Variants in HYCC1 observed in about 807,000 individuals in gnomAD.
The protein encoded by HYCC1 is hyccin.
the HYCC1 span, among the ~76,000 whole-genome samples, chr7:22,949,930 T>A: frequency 6.6e-6 from 1 of 152,238 alleles, no homozygotes; most frequent in South Asian, 2.1e-4. Flanking sequence ...AACTGCTTAT[T>A]AAATTTATAA....
At chr7:23,004,967 G>A in the HYCC1 span, among the ~76,000 whole-genome samples, 6 of 152,090 alleles carry the variant, frequency 3.9e-5, no homozygotes, top group South Asian at 2.1e-4. Flanking sequence ...CACCATGCCC[G>A]GCTAATTTTT....
the HYCC1 span, chr7:23,014,058 G>C: frequency 4.2e-6 from 2 of 470,748 alleles, no homozygotes; most frequent in Admixed American, 4.7e-5. Context: ...ACGGGTCCCG[G>C]TGAGCCATCT....
the HYCC1 span, chr7:22,939,662 C>G: frequency 6.6e-6 from 1 of 152,064 alleles, no homozygotes; most frequent in Non-Finnish European, 1.5e-5. Context: ...AAATACATCT[C>G]TATTAGGTAG....
At chr7:23,012,872 CA>C in the HYCC1 span, among the ~76,000 whole-genome samples, 1 of 152,130 alleles carries the variant, frequency 6.6e-6, no homozygotes, top group South Asian at 2.1e-4. Flanking sequence ...CCACCTGCTC[CA>C]AAAACTACTG....
chr7:22,944,083 A>T, the HYCC1 span: 104,875 of 152,052 alleles, frequency 0.69, 36,172 homozygotes, highest in South Asian at 0.73. Context: ...CATAAGCAGG[A>T]ACAAGAGGAA....
At chr7:23,013,983 G>A in the HYCC1 span, 1 of 471,072 alleles carries the variant, frequency 2.1e-6, no homozygotes, top group Non-Finnish European at 4.4e-6. Context: ...CTCAGCGACA[G>A]CGACGGAGGC....
the HYCC1 span, among the ~76,000 whole-genome samples, chr7:22,914,220 GC>G: frequency 6.6e-6 from 1 of 152,170 alleles, no homozygotes; most frequent in Admixed American, 6.5e-5. Context: ...GGGGACGCCT[GC>G]CCTGGTCATT....
chr7:22,901,849 C>G, the HYCC1 span, among the ~76,000 whole-genome samples: 1 of 152,010 alleles, frequency 6.6e-6, no homozygotes, highest in African/African-American at 2.4e-5. Context: ...TTTTAATATA[C>G]TTCTTTTATC....
At chr7:22,985,887 T>G in the HYCC1 span, among the ~76,000 whole-genome samples, 5 of 149,800 alleles carry the variant, frequency 3.3e-5, no homozygotes, top group Non-Finnish European at 7.4e-5. Flanking sequence ...CATATGTAAC[T>G]ATGTATACAT....
the HYCC1 span, chr7:22,983,789 T>C: frequency 1.7e-6 from 1 of 599,456 alleles, no homozygotes. Flanking sequence ...TAATAAATTA[T>C]ATTTCTTGGC....
the HYCC1 span, among the ~76,000 whole-genome samples, chr7:22,971,464 C>G: frequency 6.6e-6 from 1 of 151,104 alleles, no homozygotes; most frequent in Non-Finnish European, 1.5e-5. Flanking sequence ...TGCCTGAGCT[C>G]AGGAGTTTGA....
the HYCC1 span, chr7:22,946,803 C>T: frequency 8.3e-5 from 50 of 603,510 alleles, no homozygotes; most frequent in African/African-American, 1.1e-4. Flanking sequence ...TACTCAAAGA[C>T]GATAAAGGTA....
the HYCC1 span, among the ~76,000 whole-genome samples, chr7:22,915,096 C>T: frequency 1.3e-5 from 2 of 152,282 alleles, no homozygotes; most frequent in African/African-American, 4.8e-5. Flanking sequence ...AGACGCTTTA[C>T]CACCCCAGAC....
At chr7:22,948,708 T>C in the HYCC1 span, among the ~76,000 whole-genome samples, 3 of 152,172 alleles carry the variant, frequency 2.0e-5, no homozygotes, top group East Asian at 5.8e-4. Context: ...CATGCTGGTG[T>C]AATTATTTCC....
At chr7:22,915,089 C>G in the HYCC1 span, among the ~76,000 whole-genome samples, 1 of 152,138 alleles carries the variant, frequency 6.6e-6, no homozygotes, top group South Asian at 2.1e-4. Context: ...AACCCTTAGA[C>G]GCTTTACCAC....
chr7:22,967,275 C>T, the HYCC1 span, among the ~76,000 whole-genome samples: 1 of 152,014 alleles, frequency 6.6e-6, no homozygotes, highest in African/African-American at 2.4e-5. Context: ...GTAGAAGAAG[C>T]GGAGAGTCAG....
the HYCC1 span, among the ~76,000 whole-genome samples, chr7:22,989,467 C>G: frequency 1.7e-4 from 26 of 152,266 alleles, no homozygotes; most frequent in African/African-American, 5.8e-4. Flanking sequence ...CCCAACTCAG[C>G]CTCCCAAGTA....
chr7:22,975,592 A>C, the HYCC1 span, among the ~76,000 whole-genome samples: 1 of 152,362 alleles, frequency 6.6e-6, no homozygotes, highest in South Asian at 2.1e-4. Context: ...CACATGCCAA[A>C]ACTTGAAAGG....
chr7:22,934,362 C>T, the HYCC1 span: 1 of 151,940 alleles, frequency 6.6e-6, no homozygotes, highest in South Asian at 2.1e-4. Flanking sequence ...GGTTTAAAGG[C>T]CCTGTTCTTT....
Sources: gnomAD v4.1 joint callset for allele counts (sites outside exome capture counted in the v4.1 genomes callset) on GRCh38, gnomAD v4.1.1 for gene constraint, MANE v1.5 for transcripts, NCBI Gene and HGNC (gene_info 2026-07-23, HGNC 2026-07-21) for gene names.